Variants in CLASP1 observed in about 807,000 individuals in gnomAD.
CLASP1 encodes CLIP-associating protein 1.
CLASP1 carries 38 observed loss-of-function variants against 192.3 expected under a neutral mutation model. The observed-to-expected ratio is 0.20, with a 90% CI of 0.15 to 0.26. CLASP1 has a LOEUF of 0.26. Ranked by LOEUF, CLASP1 falls within the 10% of genes least tolerant of loss-of-function variation. The probability of loss-of-function intolerance (pLI) is 1.00; values close to 1 mark genes in which losing one functional copy is unlikely to be tolerated. For missense variants in CLASP1, 1,433 were observed against 1,932.5 expected, an observed-to-expected ratio of 0.74 and a Z score of 4.85; for synonymous variants, 691 against 712.8, an observed-to-expected ratio of 0.97 and a Z score of 0.49.
At chr2:121,551,288 C>T (rs2058019378) in intron 2 of CLASP1, among the ~76,000 whole-genome samples, 1 of 152,132 alleles carries the variant, frequency 6.6e-6, no homozygotes, top group Non-Finnish European at 1.5e-5. Context: ...TGAAAACCGG[C>T]ACAAGACAAG....
rs34989531 is a variant in CLASP1 at position 121,504,232 on chromosome 2, CAA to C, written c.645-1000_645-999del. ...GGGCAACAAGAGCGAAACTCCGTCT[CAA>C]AAAAAAAAAAAGAAAGAAAAAAGAG... On this transcript the variant is annotated intron_variant, in intron 7 of 39. Coordinates refer to ENST00000263710, the Ensembl canonical transcript of CLASP1. Among the ~76,000 whole-genome samples the C allele has an allele frequency of 2.5e-3, 312 of 124,028 alleles. 1 individual carries two copies. The highest frequency in any genetic ancestry group is 6.5e-3 in the African/African-American group (245 of 37,714). 81.4% of individuals were successfully genotyped at this position (124,028 alleles called of 152,430 possible).
At chr2:121,500,380 G>GAAAGAAAGAAAGA (rs2093703958) in intron 8 of CLASP1, among the ~76,000 whole-genome samples, 1 of 109,124 alleles carries the variant, frequency 9.2e-6, no homozygotes, top group Non-Finnish European at 1.9e-5. Flanking sequence ...AAGAAAGAAA[G>GAAAGAAAGAAAGA]AAAGAAAGAA....
At position 121,374,434 on chromosome 2, in the gene CLASP1, TG is replaced by T. The variant is rs759231405; in HGVS notation, c.3642+3064del. Among the ~76,000 whole-genome samples the T allele has an allele frequency of 1.2e-3, 189 of 152,336 alleles. 2 individuals carry two copies. The highest frequency in any genetic ancestry group is 5.0e-3 in the South Asian group (24 of 4,832). On this transcript the variant is annotated intron_variant, in intron 34 of 39. Transcript: ENST00000263710. ...GGGAGACAGAGGAGAAATGTGGGGT[TG>T]GAGCCCCCACAGAGTCCCCACTGGG...
At chr2:121,443,699 C>T (rs903309477) in intron 19 of CLASP1, among the ~76,000 whole-genome samples, 11 of 152,178 alleles carry the variant, frequency 7.2e-5, no homozygotes, top group Admixed American at 3.9e-4. Flanking sequence ...ATTAGAAATT[C>T]AGATTCTCTA....
At chr2:121,563,769 A>T (rs2059287606) in intron 2 of CLASP1, among the ~76,000 whole-genome samples, 1 of 152,154 alleles carries the variant, frequency 6.6e-6, no homozygotes, top group South Asian at 2.1e-4. Context: ...AGAAATAAAC[A>T]AAAAAGAATG....
At chr2:121,505,200 A>C (rs1037574656) in intron 7 of CLASP1, 3 of 152,214 alleles carry the variant, frequency 2.0e-5, no homozygotes, top group African/African-American at 7.2e-5. Flanking sequence ...TCCTGAAATT[A>C]CTGGAAGAAG....
chr2:121,583,034 C>T (rs897402918), intron 2 of CLASP1, among the ~76,000 whole-genome samples: 3 of 152,078 alleles, frequency 2.0e-5, no homozygotes, highest in African/African-American at 7.2e-5. Context: ...GATCCACCCG[C>T]CTCAGCCTCC....
At chr2:121,408,347 G>A (rs2077207507) in intron 24 of CLASP1, among the ~76,000 whole-genome samples, 1 of 152,104 alleles carries the variant, frequency 6.6e-6, no homozygotes, top group African/African-American at 2.4e-5. Flanking sequence ...TGAACTCCTG[G>A]CCACTTTTAT....
chr2:121,373,926 G>C (rs924323719), intron 34 of CLASP1, among the ~76,000 whole-genome samples: 19 of 152,334 alleles, frequency 1.2e-4, no homozygotes, highest in African/African-American at 4.6e-4. Context: ...AGCCCAACCA[G>C]GCAGGAGAAA....
intron 2 of CLASP1, among the ~76,000 whole-genome samples, chr2:121,533,654 C>T (rs1474276357): frequency 6.6e-6 from 1 of 152,138 alleles, no homozygotes; most frequent in African/African-American, 2.4e-5. Context: ...AAAAGTCAAT[C>T]AAAATCTTTA....
intron 2 of CLASP1, among the ~76,000 whole-genome samples, chr2:121,572,199 C>A (rs944438971): frequency 6.6e-6 from 1 of 152,002 alleles, no homozygotes; most frequent in Non-Finnish European, 1.5e-5. Flanking sequence ...GAGGCCAAGG[C>A]GGGTGGATCA....
chr2:121,454,713 T>C (rs2086252436), intron 14 of CLASP1, among the ~76,000 whole-genome samples: 1 of 152,218 alleles, frequency 6.6e-6, no homozygotes, highest in South Asian at 2.1e-4. Flanking sequence ...CAGCCCAAGA[T>C]GATGAATCCC....
At chr2:121,643,495 A>G (rs1313066322) in intron 1 of CLASP1, among the ~76,000 whole-genome samples, 2 of 152,242 alleles carry the variant, frequency 1.3e-5, no homozygotes, top group African/African-American at 4.8e-5. Flanking sequence ...CTGCAAATTG[A>G]TAGGATCGTG....
chr2:121,517,244 G>A (rs1226443868), intron 6 of CLASP1, among the ~76,000 whole-genome samples: 2 of 152,204 alleles, frequency 1.3e-5, no homozygotes, highest in Admixed American at 1.3e-4. Context: ...ACCAAGGCCA[G>A]GTGGTGTTGG....
intron 5 of CLASP1, 37 bp from the exon 6 acceptor site, chr2:121,525,957 C>A: frequency 6.6e-7 from 1 of 1,507,402 alleles, no homozygotes; most frequent in Non-Finnish European, 9.2e-7. Flanking sequence ...TTAGTGAGAA[C>A]TGAGGAAAGA....
At position 121,348,365 on chromosome 2, in the gene CLASP1, G is replaced by A. The variant is rs1183347662; in HGVS notation, c.4413+147C>T. ...GGAAGCCGACAGAGGAGGCTGTGAAGTGTCCCTGCCACACGGCCTCACAGG... is the reference window on the plus strand; with the variant it reads ...GGAAGCCGACAGAGGAGGCTGTGAAATGTCCCTGCCACACGGCCTCACAGG... On this transcript the variant is annotated intron_variant, in intron 38 of 39. Coordinates refer to ENST00000263710, the Ensembl canonical transcript of CLASP1. 4.1e-5 allele frequency: 27 copies of A among 656,800 alleles called. No individual in the cohort carries two copies. In the East Asian group the frequency reaches 7.1e-4, roughly 17 times the overall value. 40.7% of individuals were successfully genotyped at this position (656,800 alleles called of 1,614,324 possible). A position where few individuals can be genotyped will look rare whatever the true frequency, so the allele number is the denominator to read the frequency against.
intron 2 of CLASP1, chr2:121,530,793 C>G: frequency 3.4e-6 from 2 of 593,022 alleles, no homozygotes; most frequent in Non-Finnish European, 6.1e-6. Flanking sequence ...AGCTACCAGA[C>G]CGACTAGGGC....
intron 2 of CLASP1, chr2:121,530,730 A>C (rs1367394942): frequency 7.8e-6 from 4 of 515,930 alleles, no homozygotes; most frequent in Non-Finnish European, 1.4e-5. Flanking sequence ...CGGGAGCCTC[A>C]GAAAACAAAG....
chr2:121,358,019 C>T (rs2065730150), intron 37 of CLASP1, among the ~76,000 whole-genome samples: 1 of 152,240 alleles, frequency 6.6e-6, no homozygotes, highest in Non-Finnish European at 1.5e-5. Context: ...GCTTTAACCT[C>T]AACTAAACCG....
Sources: gnomAD v4.1 joint callset for allele counts (sites outside exome capture counted in the v4.1 genomes callset) on GRCh38, gnomAD v4.1.1 for gene constraint, MANE v1.5 for transcripts, NCBI Gene and HGNC (gene_info 2026-07-23, HGNC 2026-07-21) for gene names.